EDA: variants seen among roughly 807,000 people sequenced by gnomAD.
EDA encodes the protein ectodysplasin A, also known as ectodysplasin-A.
In EDA, 2 loss-of-function variants were observed where a neutral mutation model predicts 23.6. That is an observed-to-expected ratio of 0.08 (90% CI 0.03 to 0.27). The LOEUF (loss-of-function observed/expected upper bound fraction) is 0.27, where lower values mean the gene tolerates loss of function less well. Ranked by LOEUF, EDA falls within the 10% of genes least tolerant of loss-of-function variation. The pLI is 1.00. For synonymous variants in EDA, 131 were observed against 132.0 expected, an observed-to-expected ratio of 0.99 and a Z score of 0.05; for missense variants, 229 against 324.2, an observed-to-expected ratio of 0.71 and a Z score of 2.26.
intron 1 of EDA, among the ~76,000 whole-genome samples, chrX:69,863,533 A>ATATATATGTGTG (rs2017427107): frequency 1.0e-4 from 3 of 29,495 alleles, no homozygotes; most frequent in African/African-American, 2.6e-4. Context: ...ATGTGTGTGT[A>ATATATATGTGTG]TATATATATA....
intron 1 of EDA, among the ~76,000 whole-genome samples, chrX:69,888,978 T>TTATATATACATATATA (rs2017876177): frequency 1.9e-4 from 3 of 16,013 alleles, no homozygotes; most frequent in African/African-American, 6.8e-4. Context: ...TGTGGGGTAG[T>TTATATATACATATATA]TATATATATA....
chrX:69,668,959 TC>T (rs771104940), intron 1 of EDA, among the ~76,000 whole-genome samples: 85 of 112,514 alleles, frequency 7.6e-4, no homozygotes, highest in African/African-American at 2.7e-3. Context: ...AATGTTAGAT[TC>T]CTATATATTT....
At position 69,616,145 on chromosome X, in the gene EDA, T is replaced by A; in HGVS notation, c.-164T>A. 4.0e-5 allele frequency: 13 copies of A among 327,304 alleles called. No individual in the cohort carries two copies. Among genetic ancestry groups the A allele is most frequent in the East Asian group, 1.6e-4 (2 of 12,896 alleles). 27.0% of individuals were successfully genotyped at this position (327,304 alleles called of 1,213,427 possible). ...CCACCCCTCGGAGTAGAGCTGCACA[T>A]GCGGCTGCTCCCTGCTCCGTCCCGC... On this transcript the variant is annotated 5_prime_UTR_variant, in exon 1 of 8. The change abolishes an upstream ATG in the 5' untranslated region. Transcript: ENST00000374552.
intron 2 of EDA, among the ~76,000 whole-genome samples, chrX:69,973,313 A>G (rs1342054490): frequency 9.0e-6 from 1 of 111,427 alleles, no homozygotes; most frequent in Non-Finnish European, 1.9e-5. Flanking sequence ...AGTTCTCTAG[A>G]TGGCTGAACT....
intron 1 of EDA, among the ~76,000 whole-genome samples, chrX:69,770,458 G>A (rs2490723): frequency 0.32 from 35,176 of 110,979 alleles, 4,885 homozygotes; most frequent in Middle Eastern, 0.56. Context: ...ATCTCATTGT[G>A]GTTTGAAGCT....
At chrX:69,684,033 C>T (rs1934462292) in intron 1 of EDA, among the ~76,000 whole-genome samples, 1 of 112,114 alleles carries the variant, frequency 8.9e-6, no homozygotes, top group African/African-American at 3.2e-5. Flanking sequence ...TGATCTAGTA[C>T]ATCACCTAAG....
At chrX:69,863,871 C>A (rs2017441566) in intron 1 of EDA, among the ~76,000 whole-genome samples, 1 of 109,947 alleles carries the variant, frequency 9.1e-6, no homozygotes, top group South Asian at 3.8e-4. Context: ...TTGAAACGAT[C>A]TTATACACAT....
intron 1 of EDA, among the ~76,000 whole-genome samples, chrX:69,941,284 A>G (rs750719109): frequency 8.9e-6 from 1 of 111,761 alleles, no homozygotes; most frequent in African/African-American, 3.2e-5. Context: ...CATTAGGTCC[A>G]TTTGGTCTAT....
rs62607567 is a variant in EDA at position 69,679,148 on chromosome X, G to A, written c.396+62444G>A. Among the ~76,000 whole-genome samples the A allele has an allele frequency of 5.4e-3, 591 of 109,045 alleles. 4 individuals are homozygous for A. The highest frequency in any genetic ancestry group is 9.3e-3 in the Middle Eastern group (2 of 216). 94.7% of individuals were successfully genotyped at this position (109,045 alleles called of 115,157 possible). On this transcript the variant is annotated intron_variant, in intron 1 of 7. Transcript: ENST00000374552. ...TTTATTGATTTGCGTATATTGAACC[G>A]GCCTTGCATCCCAGGGATGAAGCCC... is the stretch of plus-strand genomic sequence containing the variant.
intron 1 of EDA, among the ~76,000 whole-genome samples, chrX:69,869,005 A>G (rs1188035541): frequency 1.8e-5 from 2 of 111,987 alleles, no homozygotes; most frequent in East Asian, 5.6e-4. Flanking sequence ...TGTGTCTTTC[A>G]AGACCTTGAT....
At chrX:69,743,811 G>A (rs2013533840) in intron 1 of EDA, among the ~76,000 whole-genome samples, 1 of 111,512 alleles carries the variant, frequency 9.0e-6, no homozygotes, top group Non-Finnish European at 1.9e-5. Flanking sequence ...ATAAAGATCT[G>A]GAAATAGTTA....
intron 1 of EDA, among the ~76,000 whole-genome samples, chrX:69,900,270 C>G (rs977976014): frequency 1.8e-5 from 2 of 108,667 alleles, no homozygotes; most frequent in African/African-American, 6.6e-5. Flanking sequence ...ACTGTGTGAC[C>G]TTGGACAAAT....
At chrX:69,714,616 G>A (rs1022816329) in intron 1 of EDA, among the ~76,000 whole-genome samples, 1 of 111,440 alleles carries the variant, frequency 9.0e-6, no homozygotes, top group Admixed American at 9.6e-5. Context: ...TACTTGCCTG[G>A]GGATATCCAA....
intron 1 of EDA, among the ~76,000 whole-genome samples, chrX:69,949,703 C>A (rs745711905): frequency 6.3e-5 from 7 of 111,528 alleles, no homozygotes; most frequent in Non-Finnish European, 1.3e-4. Flanking sequence ...TGGTGATAGT[C>A]CGCTCTCTGG....
rs758925726 is a variant in EDA, at chrX:69,877,521, CT to C, written c.397-79498del. ...AGTTTAAACCTGTTACCCATTTTTT[CT>C]TTTTTTTGTTTTTTTATTATGACTT... On this transcript the variant is annotated intron_variant, in intron 1 of 7. Coordinates refer to ENST00000374552, the MANE Select transcript of EDA (RefSeq NM_001399.5). 1.0e-4 allele frequency among the ~76,000 whole-genome samples: 11 copies of C among 110,530 alleles called. No individual in the cohort carries two copies. In the East Asian group the frequency reaches 2.3e-3, roughly 23 times the overall value.
At chrX:69,793,531 A>G (rs1602415276) in intron 1 of EDA, among the ~76,000 whole-genome samples, 1 of 101,517 alleles carries the variant, frequency 9.9e-6, no homozygotes, top group African/African-American at 3.7e-5. Flanking sequence ...CTTGTCCCCT[A>G]ATGGTTGAAT....
At chrX:69,951,178 A>T (rs749007875) in intron 1 of EDA, among the ~76,000 whole-genome samples, 13 of 109,800 alleles carry the variant, frequency 1.2e-4, no homozygotes, top group South Asian at 3.9e-4. Flanking sequence ...AAAGAAAAAT[A>T]AAAAAAAATA....
intron 1 of EDA, among the ~76,000 whole-genome samples, chrX:69,832,859 G>A (rs775004745): frequency 2.0e-4 from 22 of 110,936 alleles, no homozygotes; most frequent in African/African-American, 5.2e-4. Flanking sequence ...TTGGTGTATA[G>A]GAATGCTTGT....
At chrX:69,789,783 T>C (rs1212023669) in intron 1 of EDA, among the ~76,000 whole-genome samples, 1 of 112,231 alleles carries the variant, frequency 8.9e-6, no homozygotes, top group Admixed American at 9.5e-5. Context: ...TACAGTCTCT[T>C]ATCATGGCCT....
Sources: gnomAD v4.1 joint callset for allele counts (sites outside exome capture counted in the v4.1 genomes callset) on GRCh38, gnomAD v4.1.1 for gene constraint, MANE v1.5 for transcripts, NCBI Gene and HGNC (gene_info 2026-07-23, HGNC 2026-07-21) for gene names.